The following GRM8 variants were observed in gnomAD, a reference collection of about 807,000 sequenced individuals.
The protein encoded by GRM8 is metabotropic glutamate receptor 8.
A neutral mutation model predicts 87.2 loss-of-function variants in GRM8; 47 were observed. The ratio of observed to expected loss-of-function variants is 0.54; its 90% confidence interval spans 0.43 to 0.69. The LOEUF (loss-of-function observed/expected upper bound fraction) is 0.69. GRM8 is among the 30% of genes least tolerant of loss of function. GRM8 has a pLI of 0.00. For missense variants in GRM8, 1,019 were observed against 1,139.2 expected (o/e 0.89, Z 1.52); for synonymous variants, 396 against 404.5 (o/e 0.98, Z 0.25).
intron 9 of GRM8, among the ~76,000 whole-genome samples, chr7:126,475,686 T>C (rs931311542): frequency 6.6e-6 from 1 of 152,106 alleles, no homozygotes; most frequent in Non-Finnish European, 1.5e-5. Flanking sequence ...AAGAACAAAG[T>C]TGAAGACATC....
chr7:126,984,364 A>G (rs1012444558), intron 3 of GRM8, among the ~76,000 whole-genome samples: 6 of 152,136 alleles, frequency 3.9e-5, no homozygotes, highest in Non-Finnish European at 8.8e-5. Flanking sequence ...GCCAAAGGAG[A>G]TTAACATTTG....
chr7:127,160,229 G>T (rs984120047), intron 2 of GRM8, among the ~76,000 whole-genome samples: 8 of 152,040 alleles, frequency 5.3e-5, no homozygotes, highest in South Asian at 2.1e-4. Context: ...AAAAAAGGAG[G>T]GTGTTTGATT....
At chr7:126,734,985 A>G (rs1376269348) in intron 7 of GRM8, among the ~76,000 whole-genome samples, 1 of 152,092 alleles carries the variant, frequency 6.6e-6, no homozygotes, top group African/African-American at 2.4e-5. Context: ...ACAAAAGAAG[A>G]GAAACCTTTT....
chr7:126,725,997 A>G (rs1048018026), intron 7 of GRM8, among the ~76,000 whole-genome samples: 6 of 152,176 alleles, frequency 3.9e-5, no homozygotes, highest in Non-Finnish European at 7.3e-5. Context: ...CTAACACTAG[A>G]GATTACATTT....
chr7:127,141,524 T>C (rs902911103), intron 2 of GRM8, among the ~76,000 whole-genome samples: 1 of 152,114 alleles, frequency 6.6e-6, no homozygotes, highest in Non-Finnish European at 1.5e-5. Context: ...CATTATCCTT[T>C]TTACTCTCAC....
At chr7:126,704,850 T>C (rs1159512971) in intron 7 of GRM8, among the ~76,000 whole-genome samples, 1 of 152,160 alleles carries the variant, frequency 6.6e-6, no homozygotes. Flanking sequence ...ATTAGCAATT[T>C]TAATTTCACC....
chr7:126,516,359 T>C (rs1198430298), intron 9 of GRM8, among the ~76,000 whole-genome samples: 1 of 152,086 alleles, frequency 6.6e-6, no homozygotes, highest in African/African-American at 2.4e-5. Context: ...ATTGTTCCTC[T>C]GTAGAACTGA....
Position 126,500,586 on chromosome 7 carries a change from T to C in GRM8, c.2430+32366A>G, listed in dbSNP as rs148566502. 5.1e-3 allele frequency among the ~76,000 whole-genome samples: 781 copies of C among 152,086 alleles called. 4 individuals are homozygous for C. The highest frequency in any genetic ancestry group is 6.6e-3 in the Non-Finnish European group (449 of 67,932). On this transcript the variant is annotated intron_variant, in intron 9 of 10. Coordinates refer to ENST00000339582, the MANE Select transcript of GRM8 (RefSeq NM_000845.3). The stretch of plus-strand genomic sequence containing the variant: ...GAGGAAAGATCAGAGATCAGAACAA[T>C]ATGTTTGGAAAAGAACAGTAGGAAG...
intron 3 of GRM8, among the ~76,000 whole-genome samples, chr7:127,055,665 A>G (rs1331909546): frequency 7.1e-6 from 1 of 139,900 alleles, no homozygotes; most frequent in African/African-American, 2.5e-5. Context: ...AAATATTTAT[A>G]TATACACACA....
At chr7:126,466,903 T>G (rs867970892) in intron 9 of GRM8, among the ~76,000 whole-genome samples, 1 of 151,954 alleles carries the variant, frequency 6.6e-6, no homozygotes, top group South Asian at 2.1e-4. Flanking sequence ...TTTGCCCAGT[T>G]AAGTTGACAC....
chr7:127,232,212 TGAGA>T (rs71177600), intron 2 of GRM8, among the ~76,000 whole-genome samples: 12,832 of 142,888 alleles, frequency 0.09, 800 homozygotes, highest in Non-Finnish European at 0.12. Flanking sequence ...TGTGTGTGTG[TGAGA>T]GAGAGAGAGA....
At chr7:126,544,898 C>T (rs571421592) in intron 8 of GRM8, among the ~76,000 whole-genome samples, 1 of 152,254 alleles carries the variant, frequency 6.6e-6, no homozygotes, top group East Asian at 1.9e-4. Flanking sequence ...GAAAAGATAT[C>T]CACGCTCTAC....
At chr7:126,479,749 C>T (rs1584761667) in intron 9 of GRM8, among the ~76,000 whole-genome samples, 1 of 135,896 alleles carries the variant, frequency 7.4e-6, no homozygotes, top group Admixed American at 7.0e-5. Flanking sequence ...GATAGACAGA[C>T]AGACAGACAG....
chr7:126,567,357 A>G (rs1794306130), intron 8 of GRM8, among the ~76,000 whole-genome samples: 1 of 147,774 alleles, frequency 6.8e-6, no homozygotes, highest in Admixed American at 6.8e-5. Flanking sequence ...GAATTGAACA[A>G]TGAGAACACA....
intron 3 of GRM8, among the ~76,000 whole-genome samples, chr7:127,057,442 G>C (rs1381479572): frequency 6.6e-6 from 1 of 151,812 alleles, no homozygotes; most frequent in Non-Finnish European, 1.5e-5. Context: ...CATATAGTTT[G>C]TCCATACAAT....
chr7:126,569,557 C>T (rs1267623976), intron 8 of GRM8, among the ~76,000 whole-genome samples: 1 of 152,164 alleles, frequency 6.6e-6, no homozygotes, highest in Non-Finnish European at 1.5e-5. Flanking sequence ...GCAGTGTTAG[C>T]ACAGAGTCAC....
intron 3 of GRM8, among the ~76,000 whole-genome samples, chr7:126,916,408 A>G (rs999230718): frequency 3.9e-5 from 6 of 152,244 alleles, no homozygotes; most frequent in African/African-American, 1.4e-4. Flanking sequence ...AGATAAGCAT[A>G]TCCATGTTTT....
chr7:126,837,412 A>T (rs1795904522), intron 6 of GRM8, among the ~76,000 whole-genome samples: 1 of 152,250 alleles, frequency 6.6e-6, no homozygotes, highest in Non-Finnish European at 1.5e-5. Context: ...GCCACTTTAT[A>T]TGCAAATATG....
chr7:126,843,943 A>G (rs991571482), intron 6 of GRM8, among the ~76,000 whole-genome samples: 1 of 152,220 alleles, frequency 6.6e-6, no homozygotes, highest in Non-Finnish European at 1.5e-5. Context: ...TAGGGTGGCA[A>G]TTTATAAAAT....
Sources: gnomAD v4.1 joint callset for allele counts (sites outside exome capture counted in the v4.1 genomes callset) on GRCh38, gnomAD v4.1.1 for gene constraint, MANE v1.5 for transcripts, NCBI Gene and HGNC (gene_info 2026-07-23, HGNC 2026-07-21) for gene names.